The following TOM1L2 variants were observed in gnomAD, a reference collection of about 807,000 sequenced individuals.
TOM1L2 encodes the protein target of myb1 like 2 membrane trafficking protein.
A neutral mutation model predicts 67.9 loss-of-function variants in TOM1L2; 31 were observed. That is an observed-to-expected ratio of 0.46 (90% confidence interval 0.34 to 0.62). The LOEUF is 0.62. Ranked by LOEUF, TOM1L2 falls within the 20% of genes least tolerant of loss-of-function variation. TOM1L2 has a pLI of 0.01. For missense variants in TOM1L2, 606 were observed against 663.5 expected (o/e 0.91, Z 0.95); for synonymous variants, 256 against 254.0 (o/e 1.01, Z -0.07).
rs1037026139 is a variant in TOM1L2 at position 17,913,265 on chromosome 17, G to A, written c.53-5734C>T. 1.4e-5 allele frequency among the ~76,000 whole-genome samples: 2 copies of A among 146,554 alleles called. 1 individual carries two copies. Among genetic ancestry groups the A allele is most frequent in the African/African-American group, 5.3e-5 (2 of 37,990 alleles). ...GGGGAGACCGTGGGGAGACGGGAGA[G>A]GGAGAGGGAGAGGGAGAGCTGGATT... On this transcript the variant is annotated intron_variant, in intron 1 of 14. Coordinates refer to ENST00000379504, the MANE Select transcript of TOM1L2 (RefSeq NM_001082968.2).
chr17:17,852,864 T>TAAA (rs552138706), intron 12 of TOM1L2, among the ~76,000 whole-genome samples: 629 of 37,740 alleles, frequency 0.017, 46 homozygotes, highest in African/African-American at 0.059. Context: ...AAACTCTGTC[T>TAAA]AAAAAAAAAA....
At chr17:17,892,231 T>G (rs191641335) in intron 4 of TOM1L2, among the ~76,000 whole-genome samples, 1 of 152,084 alleles carries the variant, frequency 6.6e-6, no homozygotes, top group Admixed American at 6.5e-5. Context: ...GGACAGAGGC[T>G]CCTCTCCAGC....
At chr17:17,873,289 T>C (rs996625043) in intron 7 of TOM1L2, among the ~76,000 whole-genome samples, 2 of 152,236 alleles carry the variant, frequency 1.3e-5, no homozygotes, top group African/African-American at 4.8e-5. Context: ...ATTAACATTT[T>C]ACAGTGACAG....
At chr17:17,947,643 T>C (rs939213363) in intron 1 of TOM1L2, among the ~76,000 whole-genome samples, 8 of 152,318 alleles carry the variant, frequency 5.3e-5, no homozygotes, top group African/African-American at 1.9e-4. Context: ...CCTTCCAGTC[T>C]GTGGTATTTT....
In TOM1L2 at chr17:17,952,391, T is replaced by C. The variant is rs966886119; in HGVS notation, c.52+19871A>G. Among the ~76,000 whole-genome samples the C allele has an allele frequency of 3.5e-3, 459 of 132,232 alleles. 2 individuals carry two copies. The highest frequency in any genetic ancestry group is 6.0e-3 in the Non-Finnish European group (364 of 61,018). 86.7% of individuals were successfully genotyped at this position (132,232 alleles called of 152,430 possible). ...TCTTTATTTTCTTTTTTTTTTTTTTTTTTTTTTTTTTTTTTTTTGAGACAG... is the reference window on the plus strand; with the variant it reads ...TCTTTATTTTCTTTTTTTTTTTTTTCTTTTTTTTTTTTTTTTTTGAGACAG... On this transcript the variant is annotated intron_variant, in intron 1 of 14. Transcript: ENST00000379504.
At chr17:17,879,543 G>T in intron 7 of TOM1L2, 84 bp downstream of exon 7, 1 of 1,097,678 alleles carries the variant, frequency 9.1e-7, no homozygotes, top group Non-Finnish European at 1.4e-6. Context: ...CCGCCTTGCC[G>T]CTGTGTCCCC....
chr17:17,953,786 G>C (rs148458682), intron 1 of TOM1L2, among the ~76,000 whole-genome samples: 1 of 152,322 alleles, frequency 6.6e-6, no homozygotes, highest in East Asian at 1.9e-4. Flanking sequence ...AGGTAAAAAT[G>C]CCATCTCACA....
chr17:17,957,534 T>C (rs1035248727), intron 1 of TOM1L2, among the ~76,000 whole-genome samples: 11 of 152,204 alleles, frequency 7.2e-5, no homozygotes, highest in African/African-American at 2.4e-4. Context: ...TAAGCATGTG[T>C]CAAAATTATA....
chr17:17,879,216 G>C (rs914072869), intron 7 of TOM1L2, among the ~76,000 whole-genome samples: 6 of 152,098 alleles, frequency 3.9e-5, no homozygotes, highest in African/African-American at 1.4e-4. Context: ...GATGTTGAGG[G>C]ACCAAAATAC....
intron 1 of TOM1L2, among the ~76,000 whole-genome samples, chr17:17,911,456 A>G (rs931016127): frequency 6.6e-6 from 1 of 152,142 alleles, no homozygotes; most frequent in African/African-American, 2.4e-5. Context: ...ACTGTTCCCT[A>G]GAACACTTGT....
intron 5 of TOM1L2, among the ~76,000 whole-genome samples, chr17:17,883,767 C>T (rs79619630): frequency 0.016 from 2,395 of 152,288 alleles, 34 homozygotes; most frequent in Non-Finnish European, 0.021. Context: ...CTCATGCTTG[C>T]CCTTTGGGTA....
intron 6 of TOM1L2, among the ~76,000 whole-genome samples, chr17:17,880,566 G>C (rs1405963208): frequency 1.3e-5 from 2 of 152,194 alleles, no homozygotes; most frequent in East Asian, 1.9e-4. Context: ...AGAAGAATCT[G>C]CATAGAGGTG....
At chr17:17,918,177 C>A (rs762216940) in intron 1 of TOM1L2, among the ~76,000 whole-genome samples, 3 of 151,916 alleles carry the variant, frequency 2.0e-5, no homozygotes, top group African/African-American at 4.8e-5. Context: ...AACAGAAACA[C>A]AACTGATTTT....
chr17:17,868,052 C>T (rs118143947), intron 8 of TOM1L2, among the ~76,000 whole-genome samples: 1 of 152,292 alleles, frequency 6.6e-6, no homozygotes, highest in East Asian at 1.9e-4. Flanking sequence ...TGAAAATACT[C>T]ATATTAGTTA....
chr17:17,946,461 C>T (rs80070730), intron 1 of TOM1L2, among the ~76,000 whole-genome samples: 3,633 of 152,252 alleles, frequency 0.024, 122 homozygotes, highest in African/African-American at 0.076. Context: ...TGCAATCATA[C>T]AATATATAGC....
At chr17:17,913,309 T>C (rs2039488374) in intron 1 of TOM1L2, among the ~76,000 whole-genome samples, 1 of 149,618 alleles carries the variant, frequency 6.7e-6, no homozygotes, top group Non-Finnish European at 1.5e-5. Context: ...TCATCCATGC[T>C]GAGCTGCAAG....
At chr17:17,880,714 G>A (rs1269718155) in intron 6 of TOM1L2, among the ~76,000 whole-genome samples, 3 of 152,134 alleles carry the variant, frequency 2.0e-5, no homozygotes, top group Non-Finnish European at 4.4e-5. Flanking sequence ...CTGAGCCTTC[G>A]TTTCCTCACC....
intron 5 of TOM1L2, among the ~76,000 whole-genome samples, chr17:17,884,242 G>A (rs1400700481): frequency 1.3e-5 from 2 of 152,112 alleles, no homozygotes; most frequent in Admixed American, 6.6e-5. Flanking sequence ...AAAACAGAAA[G>A]CTACTTTTTG....
At chr17:17,963,121 G>A (rs2041754013) in intron 1 of TOM1L2, among the ~76,000 whole-genome samples, 1 of 152,072 alleles carries the variant, frequency 6.6e-6, no homozygotes, top group African/African-American at 2.4e-5. Context: ...TGTAAGATGT[G>A]ATGGTGCAAG....
Sources: gnomAD v4.1 joint callset for allele counts (sites outside exome capture counted in the v4.1 genomes callset) on GRCh38, gnomAD v4.1.1 for gene constraint, MANE v1.5 for transcripts, NCBI Gene and HGNC (gene_info 2026-07-23, HGNC 2026-07-21) for gene names.